The following VAV3 variants were observed in gnomAD, a reference collection of about 807,000 sequenced individuals.
The protein encoded by VAV3 is vav guanine nucleotide exchange factor 3, also known as guanine nucleotide exchange factor VAV3.
In VAV3, 94 loss-of-function variants were observed where a neutral mutation model predicts 131.2. That is an observed-to-expected ratio of 0.72 (90% confidence interval 0.61 to 0.85). The LOEUF (loss-of-function observed/expected upper bound fraction) is 0.85, where lower values mean the gene tolerates loss of function less well. Among genes scored for constraint, VAV3 ranks in the 40% least tolerant of loss-of-function variants. The pLI is 0.00. For synonymous variants in VAV3, 349 were observed against 342.0 expected (o/e 1.02, Z -0.22); for missense variants, 939 against 1,002.7 (o/e 0.94, Z 0.86).
intron 19 of VAV3, among the ~76,000 whole-genome samples, chr1:107,651,504 TA>T (rs1047206808): frequency 6.6e-6 from 1 of 150,502 alleles, no homozygotes; most frequent in Non-Finnish European, 1.5e-5. Context: ...ATTATTTATT[TA>T]TTTTTTTTCA....
chr1:107,629,709 T>C (rs551290945), intron 20 of VAV3, among the ~76,000 whole-genome samples: 84 of 152,298 alleles, frequency 5.5e-4, no homozygotes, highest in African/African-American at 1.8e-3. Flanking sequence ...TACAGCTCAA[T>C]TGATAATTCA....
At chr1:107,849,632 C>G (rs1310467719) in intron 2 of VAV3, among the ~76,000 whole-genome samples, 1 of 151,690 alleles carries the variant, frequency 6.6e-6, no homozygotes, top group African/African-American at 2.4e-5. Context: ...TAGTAGAAAA[C>G]CTAGGCAATA....
At chr1:107,593,676 C>T (rs914718267) in intron 25 of VAV3, among the ~76,000 whole-genome samples, 2 of 152,072 alleles carry the variant, frequency 1.3e-5, no homozygotes, top group African/African-American at 4.8e-5. Context: ...CTTACCACTT[C>T]CTGGGATGTA....
intron 25 of VAV3, chr1:107,578,553 C>T (rs1438895446): frequency 6.5e-6 from 1 of 153,796 alleles, no homozygotes; most frequent in Non-Finnish European, 1.4e-5. Context: ...CAGTTAGAAG[C>T]CCTCATTCTA....
chr1:107,648,013 C>T (rs1359896542), intron 19 of VAV3, among the ~76,000 whole-genome samples: 4 of 151,960 alleles, frequency 2.6e-5, no homozygotes, highest in African/African-American at 9.7e-5. Context: ...AAAGGAACCA[C>T]GGCATAGAAT....
chr1:107,856,961 C>A (rs1185294223), intron 2 of VAV3, among the ~76,000 whole-genome samples: 4 of 152,104 alleles, frequency 2.6e-5, no homozygotes, highest in Admixed American at 2.6e-4. Flanking sequence ...GTCGCTTGAG[C>A]CCAAGAGTTT....
In VAV3 at chr1:107,573,062, G is replaced by A; in HGVS notation, c.*269C>T. ...CCAATGTGTTTGCAGGGCTCTTCTG[G>A]GAAGAACAGCTCTTGGTTTTGCCCT... is the stretch of plus-strand genomic sequence containing the variant. On this transcript the variant is annotated 3_prime_UTR_variant, in exon 27 of 27. Transcript: ENST00000370056. The A allele has an allele frequency of 6.8e-6, 3 of 442,004 alleles. No homozygotes were observed. The highest frequency in any genetic ancestry group is 1.2e-4 in the South Asian group (2 of 17,148). 27.4% of individuals were successfully genotyped at this position (442,004 alleles called of 1,614,324 possible). A position where few individuals can be genotyped will look rare whatever the true frequency, so the allele number is the denominator to read the frequency against.
At chr1:107,820,484 G>GA (rs1667751201) in intron 2 of VAV3, among the ~76,000 whole-genome samples, 5 of 151,942 alleles carry the variant, frequency 3.3e-5, no homozygotes, top group African/African-American at 7.3e-5. Flanking sequence ...GGGGGGTAGG[G>GA]TGTAGGGATG....
intron 1 of VAV3, among the ~76,000 whole-genome samples, chr1:107,952,047 A>G (rs969101948): frequency 6.6e-6 from 1 of 152,214 alleles, no homozygotes; most frequent in Admixed American, 6.5e-5. Context: ...ACTATTCACA[A>G]TAGCAAAGGC....
intron 15 of VAV3, among the ~76,000 whole-genome samples, chr1:107,743,077 A>G (rs927954673): frequency 1.3e-5 from 2 of 152,146 alleles, no homozygotes; most frequent in African/African-American, 4.8e-5. Context: ...ATCTAACTAG[A>G]AAAAAAGAAA....
At chr1:107,728,915 C>A (rs1392097167) in intron 15 of VAV3, among the ~76,000 whole-genome samples, 1 of 152,170 alleles carries the variant, frequency 6.6e-6, no homozygotes, top group Non-Finnish European at 1.5e-5. Context: ...TTATTCCTAG[C>A]TCCGACAGTA....
chr1:107,793,833 C>G (rs995306450), intron 2 of VAV3, among the ~76,000 whole-genome samples: 4 of 152,152 alleles, frequency 2.6e-5, no homozygotes, highest in African/African-American at 7.2e-5. Context: ...GTTGTTTTAA[C>G]AATAGCCTAA....
At chr1:107,781,321 A>G (rs1665677175) in intron 2 of VAV3, among the ~76,000 whole-genome samples, 1 of 152,222 alleles carries the variant, frequency 6.6e-6, no homozygotes, top group Non-Finnish European at 1.5e-5. Flanking sequence ...TACAAAGATA[A>G]CATTTAATTG....
intron 17 of VAV3, among the ~76,000 whole-genome samples, chr1:107,689,331 C>T (rs1471472431): frequency 6.6e-6 from 1 of 151,990 alleles, no homozygotes; most frequent in Admixed American, 6.6e-5. Flanking sequence ...ACAGAAAGAG[C>T]AGGCCTAAGT....
chr1:107,927,112 G>T (rs994923698), intron 1 of VAV3, among the ~76,000 whole-genome samples: 4 of 152,168 alleles, frequency 2.6e-5, no homozygotes, highest in Non-Finnish European at 5.9e-5. Context: ...TACCAGCTCA[G>T]CCACAGCAGG....
intron 2 of VAV3, among the ~76,000 whole-genome samples, chr1:107,795,571 T>C (rs571746186): frequency 3.8e-4 from 58 of 152,344 alleles, no homozygotes; most frequent in Middle Eastern, 3.4e-3. Flanking sequence ...ATATGGCATA[T>C]GTAAGATGTT....
intron 21 of VAV3, among the ~76,000 whole-genome samples, chr1:107,610,820 C>T (rs1016956350): frequency 6.6e-6 from 1 of 152,164 alleles, no homozygotes; most frequent in Admixed American, 6.5e-5. Flanking sequence ...AATAGGAGTA[C>T]AGATAGTTTG....
intron 25 of VAV3, among the ~76,000 whole-genome samples, chr1:107,584,773 TA>T (rs1485006821): frequency 6.6e-6 from 1 of 152,146 alleles, no homozygotes; most frequent in Admixed American, 6.6e-5. Flanking sequence ...TATAAACATA[TA>T]AAGCCATTAA....
intron 2 of VAV3, among the ~76,000 whole-genome samples, chr1:107,856,568 T>C (rs1571050175): frequency 6.6e-6 from 1 of 152,358 alleles, no homozygotes; most frequent in East Asian, 1.9e-4. Context: ...TAATAGTTAA[T>C]TTAAATTGCC....
Sources: allele counts gnomAD v4.1 joint callset (sites outside exome capture counted in the v4.1 genomes callset), GRCh38; gene constraint gnomAD v4.1.1; transcripts MANE v1.5; gene names NCBI Gene and HGNC (gene_info 2026-07-23, HGNC 2026-07-21).